HIPK1: variants seen among roughly 807,000 people sequenced by gnomAD.
HIPK1 encodes homeodomain-interacting protein kinase 1.
A neutral mutation model predicts 117.1 loss-of-function variants in HIPK1; 28 were observed. The ratio of observed to expected loss-of-function variants is 0.24; its 90% CI spans 0.18 to 0.33. The LOEUF is 0.33. Among genes scored for constraint, HIPK1 ranks in the 10% least tolerant of loss-of-function variants. HIPK1 has a pLI of 1.00. For synonymous variants in HIPK1, 605 were observed against 562.5 expected, an observed-to-expected ratio of 1.08 and a Z score of -1.07; for missense variants, 1,122 against 1,475.1, an observed-to-expected ratio of 0.76 and a Z score of 3.92.
chr1:113,965,484 T>C (rs114920368), intron 10 of HIPK1, among the ~76,000 whole-genome samples: 127 of 152,354 alleles, frequency 8.3e-4, no homozygotes, highest in African/African-American at 3.0e-3. Flanking sequence ...AAACAAAGTA[T>C]GATGCTTTCT....
chr1:113,929,689 G>T (rs1396458031), intron 1 of HIPK1, 157 bp downstream of exon 1: 2 of 864,876 alleles, frequency 2.3e-6, no homozygotes, highest in Non-Finnish European at 3.0e-6. Flanking sequence ...GCAGGAGGCC[G>T]AGGCGGGAGC....
chr1:113,947,094 T>C (rs182475479), intron 2 of HIPK1, among the ~76,000 whole-genome samples: 3 of 152,354 alleles, frequency 2.0e-5, no homozygotes, highest in Admixed American at 1.3e-4. Context: ...TAGTTTACCT[T>C]GCTTTGTCTT....
At position 113,973,227 on chromosome 1, in the gene HIPK1, C is replaced by G. The variant is rs1342232637; in HGVS notation, c.3348C>G (p.Ala1116=). Residue 1116 remains alanine (A), a synonymous_variant, in exon 16 of 16, where the codon GCC becomes GCG. Transcript: ENST00000426820. ...PSQAHLYTYA[A]PTSAAALGST... ...AGGCTCATCTGTATACGTATGCTGC[C>G]CCGACTTCTGCTGCTGCACTGGGCT... 6.2e-7 allele frequency: 1 copy of G among 1,614,052 alleles called. No individual in the cohort carries two copies. Among genetic ancestry groups the G allele is most frequent in the South Asian group, 1.1e-5 (1 of 91,064 alleles).
chr1:113,970,588 A>G (rs1672757387), intron 14 of HIPK1, among the ~76,000 whole-genome samples: 1 of 152,224 alleles, frequency 6.6e-6, no homozygotes, highest in Admixed American at 6.5e-5. Flanking sequence ...TGTTTTGGAA[A>G]ACAGTTATAT....
At position 113,973,563 on chromosome 1, in the gene HIPK1, G is replaced by A. The variant is rs371848820; in HGVS notation, c.*51G>A. On this transcript the variant is annotated 3_prime_UTR_variant, in exon 16 of 16. Coordinates refer to ENST00000426820, the MANE Select transcript of HIPK1 (RefSeq NM_198268.3). Reference sequence around the variant, plus strand: ...CATGGCTACCTTCTCCTGGCCCTGCGTTCTTAATATTGGGCTATGGAGAGA... The same window carrying A: ...CATGGCTACCTTCTCCTGGCCCTGCATTCTTAATATTGGGCTATGGAGAGA... 62 of 1,531,172 alleles carry A rather than the reference G, an allele frequency of 4.0e-5. No individual in the cohort carries two copies. Among genetic ancestry groups the A allele is most frequent in the Admixed American group, 2.0e-4 (10 of 49,688 alleles). The allele number at this position is 1,531,172 out of a possible 1,614,324, so 94.8% of individuals were successfully genotyped here. A position where few individuals can be genotyped will look rare whatever the true frequency, so the allele number is the denominator to read the frequency against.
chr1:113,943,921 C>T (rs1341782392), intron 2 of HIPK1, among the ~76,000 whole-genome samples: 1 of 152,040 alleles, frequency 6.6e-6, no homozygotes, highest in Admixed American at 6.5e-5. Context: ...CTTGAGCAGT[C>T]CTCCCACTTC....
At chr1:113,956,561 A>G (rs1417521763) in intron 5 of HIPK1, 66 bp from the exon 6 acceptor site, 1 of 1,111,468 alleles carries the variant, frequency 9.0e-7, no homozygotes, top group African/African-American at 1.6e-5. Flanking sequence ...TTGGAGGGAA[A>G]GCAGCTATGT....
chr1:113,957,177 A>G lies in HIPK1; in HGVS notation c.1646A>G (p.Tyr549Cys). ...ATCTGCAAGCGGAGGGTTCACATGT[A>G]TGATACAGTGAGTCAGATCAAGAGT... ...MEICKRRVHM[Y>C]DTVSQIKSPF... Residue 549 changes from tyrosine to cysteine, a missense_variant, in exon 7 of 16, where the codon TAT becomes TGT. Coordinates refer to ENST00000426820, the MANE Select transcript of HIPK1 (RefSeq NM_198268.3). 1 of 1,613,074 alleles carries G rather than the reference A, an allele frequency of 6.2e-7. No individual in the cohort carries two copies. Among genetic ancestry groups the G allele is most frequent in the Non-Finnish European group, 8.5e-7 (1 of 1,179,060 alleles).
At chr1:113,967,707 T>G in intron 11 of HIPK1, 59 bp from the exon 12 acceptor site, 1 of 1,259,188 alleles carries the variant, frequency 7.9e-7, no homozygotes, top group East Asian at 2.7e-5. Flanking sequence ...GATGTCTGTT[T>G]GGTCCTGATT....
intron 1 of HIPK1, among the ~76,000 whole-genome samples, chr1:113,938,940 ACACACACACACAC>A (rs1670450831): frequency 1.2e-5 from 1 of 80,244 alleles, no homozygotes; most frequent in Non-Finnish European, 2.8e-5. Context: ...ACACACACAC[ACACACACACACAC>A]ACACACACAC....
chr1:113,929,963 G>A (rs1669737219), intron 1 of HIPK1: 11 of 985,200 alleles, frequency 1.1e-5, no homozygotes, highest in Non-Finnish European at 1.3e-5. Flanking sequence ...GGCAGGAGGG[G>A]TCCTCGGCGG....
chr1:113,939,922 A>G (rs1267865673), intron 1 of HIPK1, among the ~76,000 whole-genome samples: 1 of 149,832 alleles, frequency 6.7e-6, no homozygotes, highest in African/African-American at 2.5e-5. Context: ...GTTCTTCAGA[A>G]TATACTCTAG....
intron 2 of HIPK1, among the ~76,000 whole-genome samples, chr1:113,947,292 G>T (rs187995490): frequency 3.3e-5 from 5 of 152,302 alleles, no homozygotes; most frequent in African/African-American, 7.2e-5. Context: ...ACAAAGGTTT[G>T]CCATGCTTAC....
In HIPK1 at chr1:113,940,701, G is replaced by C. The variant is rs1175350354; in HGVS notation, c.318G>C (p.Leu106=). 2 of 1,614,158 alleles carry C rather than the reference G, an allele frequency of 1.2e-6. No homozygotes were observed. The highest frequency in any genetic ancestry group is 1.3e-5 in the African/African-American group (1 of 75,046). ...CAACCTTCCAAAGCAGCCAGACCCT[G>C]ACTCACAGAAGCAACGTTTCTTTGC... ...ATSTFQSSQT[L]THRSNVSLLE... is the part of the protein sequence containing the mutation. The change falls in exon 2 of 16, where the codon CTG becomes CTC. Residue 106 remains leucine (L), a synonymous_variant. Transcript: ENST00000426820.
chr1:113,936,459 T>C (rs1443025645), intron 1 of HIPK1, among the ~76,000 whole-genome samples: 1 of 152,164 alleles, frequency 6.6e-6, no homozygotes, highest in African/African-American at 2.4e-5. Flanking sequence ...ATAGAGTATC[T>C]AGTTACGAAT....
rs1015408041 is a variant in HIPK1 at position 113,954,277 on chromosome 1, T to C, written c.1201-374T>C. Among the ~76,000 whole-genome samples the C allele has an allele frequency of 3.9e-5, 6 of 152,240 alleles. No individual in the cohort carries two copies. The South Asian group carries it at 1.2e-3, about 31-fold the overall frequency. The stretch of plus-strand genomic sequence containing the variant: ...CATGCCTGGCCTATATTGTCAAATA[T>C]CTTTACTTGTCCGTAAATACACTTC... On this transcript the variant is annotated intron_variant, in intron 3 of 15. Transcript: ENST00000426820.
At chr1:113,942,788 C>T (rs1203323038) in intron 2 of HIPK1, among the ~76,000 whole-genome samples, 1 of 151,926 alleles carries the variant, frequency 6.6e-6, no homozygotes, top group African/African-American at 2.4e-5. Flanking sequence ...TTATCAGCAC[C>T]CATTTACTTA....
chr1:113,936,391 A>G (rs1670250372), intron 1 of HIPK1, among the ~76,000 whole-genome samples: 1 of 152,110 alleles, frequency 6.6e-6, no homozygotes. Context: ...GTAATCTTTT[A>G]TTATGTTTTT....
chr1:113,943,422 T>G (rs1670781147), intron 2 of HIPK1, among the ~76,000 whole-genome samples: 1 of 152,246 alleles, frequency 6.6e-6, no homozygotes, highest in Non-Finnish European at 1.5e-5. Flanking sequence ...CTTAGTGTAA[T>G]GCTTTTGAGG....
Sources: gnomAD v4.1 joint callset for allele counts (sites outside exome capture counted in the v4.1 genomes callset) on GRCh38, gnomAD v4.1.1 for gene constraint, MANE v1.5 for transcripts, NCBI Gene and HGNC (gene_info 2026-07-23, HGNC 2026-07-21) for gene names.